Variants in DOCK3 observed in about 807,000 individuals in gnomAD.
The protein encoded by DOCK3 is dedicator of cytokinesis protein 3.
DOCK3 carries 60 observed loss-of-function variants against 265.6 expected under a neutral mutation model. The ratio of observed to expected loss-of-function variants is 0.23; its 90% CI spans 0.18 to 0.28. The LOEUF (loss-of-function observed/expected upper bound fraction) is 0.28, where lower values mean the gene tolerates loss of function less well. Ranked by LOEUF, DOCK3 falls within the 10% of genes least tolerant of loss-of-function variation. The pLI, the probability that DOCK3 is intolerant of heterozygous loss-of-function variation, is 1.00. For synonymous variants in DOCK3, 881 were observed against 938.0 expected, an observed-to-expected ratio of 0.94 and a Z score of 1.11; for missense variants, 1,981 against 2,594.3, an observed-to-expected ratio of 0.76 and a Z score of 5.14.
At chr3:50,676,700 G>T (rs868223664) in intron 1 of DOCK3, among the ~76,000 whole-genome samples, 9 of 67,246 alleles carry the variant, frequency 1.3e-4, no homozygotes, top group Admixed American at 2.2e-4. Context: ...GGGGGGAGGA[G>T]CCCTATTTTG....
chr3:51,228,746 T>C lies in DOCK3; in HGVS notation c.1733T>C (p.Ile578Thr). 6.2e-7 allele frequency: 1 copy of C among 1,613,944 alleles called. No individual in the cohort carries two copies. The change falls in exon 18 of 53, where the codon ATT (isoleucine) becomes ACT (threonine). Residue 578 changes from isoleucine to threonine, a missense_variant. Coordinates refer to ENST00000266037, the MANE Select transcript of DOCK3 (RefSeq NM_004947.5). The part of the protein sequence containing the change: ...CKEDYNGCPN[I>T]PSSLIFQRST... Reference sequence around the variant, plus strand: ...GAGGACTACAATGGCTGCCCTAATATTCCTTCTAGCCTCATCTTCCAGCGC... The same window carrying C: ...GAGGACTACAATGGCTGCCCTAATACTCCTTCTAGCCTCATCTTCCAGCGC...
intron 28 of DOCK3, 28 bp downstream of exon 28, chr3:51,310,354 A>T: frequency 6.6e-7 from 1 of 1,518,292 alleles, no homozygotes; most frequent in Non-Finnish European, 9.0e-7. Flanking sequence ...CTGTATCAGC[A>T]TCACTGAGCT....
intron 27 of DOCK3, among the ~76,000 whole-genome samples, chr3:51,303,509 T>G (rs973066813): frequency 3.3e-5 from 5 of 152,246 alleles, no homozygotes; most frequent in African/African-American, 4.8e-5. Context: ...TTTTGAGTTT[T>G]CAGTGTTTTT....
At chr3:51,277,099 C>T (rs980855452) in intron 25 of DOCK3, among the ~76,000 whole-genome samples, 1 of 152,046 alleles carries the variant, frequency 6.6e-6, no homozygotes, top group African/African-American at 2.4e-5. Flanking sequence ...ATTGAGGGCA[C>T]CCAAGGGGAA....
At chr3:50,866,377 C>T (rs1022838588) in intron 3 of DOCK3, among the ~76,000 whole-genome samples, 4 of 151,824 alleles carry the variant, frequency 2.6e-5, no homozygotes, top group African/African-American at 7.3e-5. Flanking sequence ...CCCAGCTACT[C>T]GGGAGGCTGA....
At chr3:50,997,865 A>G (rs1485896362) in intron 5 of DOCK3, among the ~76,000 whole-genome samples, 1 of 152,212 alleles carries the variant, frequency 6.6e-6, no homozygotes, top group Non-Finnish European at 1.5e-5. Context: ...GATGACTAAA[A>G]TTACTTGCTT....
intron 5 of DOCK3, among the ~76,000 whole-genome samples, chr3:51,029,380 G>A (rs1309788686): frequency 6.6e-6 from 1 of 152,202 alleles, no homozygotes; most frequent in Non-Finnish European, 1.5e-5. Flanking sequence ...AGCATGAAAA[G>A]CTCTCTCTCA....
At chr3:50,850,531 A>G (rs941388470) in intron 3 of DOCK3, among the ~76,000 whole-genome samples, 4 of 152,052 alleles carry the variant, frequency 2.6e-5, no homozygotes, top group East Asian at 1.9e-4. Flanking sequence ...AGGTTGTGCA[A>G]TTCTTTGATG....
At chr3:51,325,988 C>G (rs1198461807) in intron 32 of DOCK3, among the ~76,000 whole-genome samples, 1 of 151,306 alleles carries the variant, frequency 6.6e-6, no homozygotes, top group Non-Finnish European at 1.5e-5. Flanking sequence ...GTGCAGCAAA[C>G]CACCATGGCA....
intron 5 of DOCK3, among the ~76,000 whole-genome samples, chr3:50,954,963 A>G (rs1202506966): frequency 6.6e-6 from 1 of 152,094 alleles, no homozygotes; most frequent in Non-Finnish European, 1.5e-5. Context: ...TTGGTTTTAC[A>G]TGTAAGTCTT....
chr3:51,260,140 C>T lies in DOCK3; in HGVS notation c.2185-16C>T. ...CTTCAACATCTCTCCATCACTTTTTCTCCCACACTTTTCAGGCCTTGGAGT... is the reference window on the plus strand; with the variant it reads ...CTTCAACATCTCTCCATCACTTTTTTTCCCACACTTTTCAGGCCTTGGAGT... On this transcript the variant is annotated splice_polypyrimidine_tract_variant and intron_variant, in intron 22 of 52. Transcript: ENST00000266037. 1 of 1,606,690 alleles carries T rather than the reference C, an allele frequency of 6.2e-7. No individual in the cohort carries two copies.
chr3:50,854,865 C>A (rs1180852479), intron 3 of DOCK3, among the ~76,000 whole-genome samples: 1 of 151,960 alleles, frequency 6.6e-6, no homozygotes, highest in Non-Finnish European at 1.5e-5. Context: ...GCCAGTTTTC[C>A]TAGCACTATT....
At chr3:50,727,052 T>TAAAAAACAGA (rs147284798) in intron 1 of DOCK3, among the ~76,000 whole-genome samples, 6,949 of 152,116 alleles carry the variant, frequency 0.046, 571 homozygotes, top group African/African-American at 0.16. Context: ...AATGTCTCAC[T>TAAAAAACAGA]AAAAAACAGA....
At chr3:51,233,334 C>T (rs561494575) in intron 19 of DOCK3, among the ~76,000 whole-genome samples, 9 of 43,592 alleles carry the variant, frequency 2.1e-4, no homozygotes, top group African/African-American at 5.5e-4. Flanking sequence ...ATCTATCTAT[C>T]TATCTATCTA....
chr3:50,869,484 C>A (rs1030054842), intron 3 of DOCK3, among the ~76,000 whole-genome samples: 1 of 149,488 alleles, frequency 6.7e-6, no homozygotes, highest in Non-Finnish European at 1.5e-5. Flanking sequence ...GATTCTCCCA[C>A]CTCAGCCTCC....
At position 51,045,509 on chromosome 3, in the gene DOCK3, A is replaced by G. The variant is rs544273998; in HGVS notation, c.316-18939A>G. 9.2e-5 allele frequency among the ~76,000 whole-genome samples: 14 copies of G among 152,312 alleles called. 1 individual carries two copies. The South Asian group carries it at 2.9e-3, about 32-fold the overall frequency. ...AATTCCAGAGACACAAAGTGAGTAC[A>G]TGCCCTTGGAACAATGGAGCTGATA... On this transcript the variant is annotated intron_variant, in intron 5 of 52. Transcript: ENST00000266037.
chr3:51,086,876 G>A (rs909395179), intron 7 of DOCK3, among the ~76,000 whole-genome samples: 3 of 152,102 alleles, frequency 2.0e-5, no homozygotes, highest in Admixed American at 6.6e-5. Context: ...AAAACCTAGA[G>A]GAAATGGATT....
intron 1 of DOCK3, among the ~76,000 whole-genome samples, chr3:50,752,608 C>A (rs2039903773): frequency 6.6e-6 from 1 of 151,774 alleles, no homozygotes; most frequent in Non-Finnish European, 1.5e-5. Context: ...GAAACTCTGT[C>A]TCTAATAAAA....
intron 51 of DOCK3, among the ~76,000 whole-genome samples, chr3:51,379,076 T>C (rs2088379007): frequency 6.6e-6 from 1 of 152,210 alleles, no homozygotes; most frequent in South Asian, 2.1e-4. Flanking sequence ...GGCAAGGAGC[T>C]CTATGTCCTG....
Sources: allele counts gnomAD v4.1 joint callset (sites outside exome capture counted in the v4.1 genomes callset), GRCh38; gene constraint gnomAD v4.1.1; transcripts MANE v1.5; gene names NCBI Gene and HGNC (gene_info 2026-07-23, HGNC 2026-07-21).